The following SEMA3A variants were observed in gnomAD, a reference collection of about 807,000 sequenced individuals.
The protein encoded by SEMA3A is semaphorin 3A, also known as semaphorin-3A.
Under a neutral mutation model 97.9 loss-of-function variants are expected in SEMA3A, and 29 were observed. The ratio of observed to expected loss-of-function variants is 0.30; its 90% CI spans 0.22 to 0.40. The LOEUF (loss-of-function observed/expected upper bound fraction) is 0.40. SEMA3A is among the 10% of genes least tolerant of loss of function. SEMA3A has a pLI of 1.00. For missense variants in SEMA3A, 763 were observed against 951.3 expected (o/e 0.80, Z 2.60); for synonymous variants, 321 against 323.7 (o/e 0.99, Z 0.09).
intron 1 of SEMA3A, among the ~76,000 whole-genome samples, chr7:84,406,031 C>A (rs972613000): frequency 1.3e-5 from 2 of 151,624 alleles, no homozygotes; most frequent in East Asian, 1.9e-4. Context: ...TAGCAGAAGG[C>A]GAGAAATAAC....
At chr7:84,386,297 C>G (rs916488708) in intron 1 of SEMA3A, among the ~76,000 whole-genome samples, 2 of 152,140 alleles carry the variant, frequency 1.3e-5, no homozygotes, top group African/African-American at 4.8e-5. Context: ...ATTTGGGCAC[C>G]TCTTTGGGCA....
At chr7:84,381,063 T>C (rs1803246071) in intron 1 of SEMA3A, among the ~76,000 whole-genome samples, 1 of 152,228 alleles carries the variant, frequency 6.6e-6, no homozygotes, top group African/African-American at 2.4e-5. Context: ...GGAACCATCG[T>C]TATTGCCTAC....
chr7:84,357,169 G>A (rs917952213), intron 2 of SEMA3A, among the ~76,000 whole-genome samples: 3 of 150,556 alleles, frequency 2.0e-5, no homozygotes, highest in African/African-American at 4.9e-5. Flanking sequence ...TAGGGTACAT[G>A]TGCACAACAT....
intron 2 of SEMA3A, among the ~76,000 whole-genome samples, chr7:84,132,265 CAAG>C (rs1269576766): frequency 6.6e-6 from 1 of 152,090 alleles, no homozygotes; most frequent in African/African-American, 2.4e-5. Context: ...AGTGCTATAA[CAAG>C]AAGATCACGA....
intron 3 of SEMA3A, among the ~76,000 whole-genome samples, chr7:84,227,888 T>C (rs7802925): frequency 0.088 from 13,226 of 150,238 alleles, 773 homozygotes; most frequent in East Asian, 0.34. Context: ...ATGATGTAAG[T>C]CTCTGTGTGT....
intron 4 of SEMA3A, among the ~76,000 whole-genome samples, chr7:84,074,188 C>A (rs1384535047): frequency 1.3e-5 from 2 of 152,136 alleles, no homozygotes; most frequent in Non-Finnish European, 2.9e-5. Flanking sequence ...TTCTGCTAAT[C>A]AAACTGCTTA....
chr7:84,441,359 C>CA (rs1223420677), intron 1 of SEMA3A, among the ~76,000 whole-genome samples: 1 of 150,734 alleles, frequency 6.6e-6, no homozygotes, highest in Non-Finnish European at 1.5e-5. Context: ...AACTGTAAAA[C>CA]AAAACCAAAA....
chr7:84,473,936 T>A (rs1422164227), intron 1 of SEMA3A, among the ~76,000 whole-genome samples: 1 of 152,106 alleles, frequency 6.6e-6, no homozygotes, highest in African/African-American at 2.4e-5. Context: ...AAAGACCAGA[T>A]CCCTGAGCCG....
intron 3 of SEMA3A, among the ~76,000 whole-genome samples, chr7:84,222,134 A>G (rs929265649): frequency 1.3e-5 from 2 of 152,034 alleles, no homozygotes; most frequent in Non-Finnish European, 2.9e-5. Flanking sequence ...GCCAAGGGAA[A>G]AAAACTTTTT....
chr7:84,109,874 G>A (rs1224491825), intron 4 of SEMA3A, among the ~76,000 whole-genome samples: 1 of 152,084 alleles, frequency 6.6e-6, no homozygotes, highest in Admixed American at 6.5e-5. Context: ...CTTGATTTTT[G>A]CTTAAATGTA....
At chr7:84,173,780 C>G (rs1797473584) in intron 1 of SEMA3A, among the ~76,000 whole-genome samples, 1 of 152,082 alleles carries the variant, frequency 6.6e-6, no homozygotes. Context: ...AGATTGGGAA[C>G]TGGGCCACAC....
At chr7:84,107,072 CA>C (rs1231090399) in intron 4 of SEMA3A, among the ~76,000 whole-genome samples, 1 of 152,114 alleles carries the variant, frequency 6.6e-6, no homozygotes, top group Non-Finnish European at 1.5e-5. Flanking sequence ...TCCTTGAGAA[CA>C]AAAGTTCATA....
chr7:84,137,692 A>C (rs1435365514), intron 1 of SEMA3A, among the ~76,000 whole-genome samples: 1 of 146,780 alleles, frequency 6.8e-6, no homozygotes, highest in Non-Finnish European at 1.5e-5. Context: ...CAAACTTTAA[A>C]AAAAAAAAAA....
intron 1 of SEMA3A, among the ~76,000 whole-genome samples, chr7:84,149,884 G>A (rs923953936): frequency 1.3e-5 from 2 of 152,312 alleles, no homozygotes; most frequent in African/African-American, 2.4e-5. Context: ...AGAAAGGGAA[G>A]TGTTATTGCT....
At chr7:84,023,167 T>C (rs1791390001) in intron 6 of SEMA3A, among the ~76,000 whole-genome samples, 1 of 152,184 alleles carries the variant, frequency 6.6e-6, no homozygotes, top group Non-Finnish European at 1.5e-5. Context: ...AATCTTACAC[T>C]TAATGAAAAT....
chr7:84,333,525 G>A (rs1323771837), intron 2 of SEMA3A, among the ~76,000 whole-genome samples: 1 of 152,124 alleles, frequency 6.6e-6, no homozygotes, highest in African/African-American at 2.4e-5. Context: ...ATACGAAGGA[G>A]TACTTAATTA....
rs115878770 is a variant in SEMA3A at position 84,244,784 on chromosome 7, G to T, written c.-82-50116C>A. Among the ~76,000 whole-genome samples, 510 of 152,136 alleles carry T rather than the reference G, an allele frequency of 3.4e-3. 1 individual carries two copies. The highest frequency in any genetic ancestry group is 0.012 in the African/African-American group (485 of 41,516). ...GAGCTCTTGTAAGACAGGCCTGATG[G>T]TGATTTTCTTCTTTCAGCATTTGCT... is the stretch of plus-strand genomic sequence containing the variant. On this transcript the variant is annotated intron_variant, in intron 3 of 3. Coordinates refer to the SEMA3A transcript ENST00000424555.
intron 1 of SEMA3A, among the ~76,000 whole-genome samples, chr7:84,183,874 G>A (rs554155975): frequency 5.9e-5 from 9 of 152,212 alleles, no homozygotes; most frequent in African/African-American, 2.2e-4. Context: ...TCCATAGTGT[G>A]TGTTATGTGT....
At chr7:84,124,719 C>A (rs1562797265) in intron 3 of SEMA3A, among the ~76,000 whole-genome samples, 3 of 151,816 alleles carry the variant, frequency 2.0e-5, no homozygotes, top group African/African-American at 2.4e-5. Flanking sequence ...TGTTACAAAT[C>A]CCAGGGATCC....
Sources: gnomAD v4.1 joint callset for allele counts (sites outside exome capture counted in the v4.1 genomes callset) on GRCh38, gnomAD v4.1.1 for gene constraint, MANE v1.5 for transcripts, NCBI Gene and HGNC (gene_info 2026-07-23, HGNC 2026-07-21) for gene names.